Variants in PDK1 observed in about 807,000 individuals in gnomAD.
PDK1 encodes pyruvate dehydrogenase kinase 1.
PDK1 carries 39 observed loss-of-function variants against 54.2 expected under a neutral mutation model. That is an observed-to-expected ratio of 0.72 (90% CI 0.56 to 0.94). The LOEUF (loss-of-function observed/expected upper bound fraction) is 0.94. PDK1 is among the 40% of genes least tolerant of loss of function. The probability of loss-of-function intolerance (pLI) is 0.00; values close to 1 mark genes in which losing one functional copy is unlikely to be tolerated. For synonymous variants in PDK1, 221 were observed against 207.1 expected (o/e 1.07, Z -0.58); for missense variants, 552 against 566.0 (o/e 0.98, Z 0.25).
chr2:172,610,309 A>C (rs1358557625), downstream of PDK1, among the ~76,000 whole-genome samples: 1 of 152,102 alleles, frequency 6.6e-6, no homozygotes, highest in East Asian at 1.9e-4. Flanking sequence ...TCACTATTTG[A>C]AAAATAGGTA....
rs1303271855 is a variant in PDK1, at chr2:172,602,086, C to T, written c.*6117C>T. On this transcript the variant is annotated 3_prime_UTR_variant, in exon 11 of 11. Coordinates refer to ENST00000282077, the MANE Select transcript of PDK1 (RefSeq NM_002610.5). ...TGAATGTTACCAAAACATCAAGAAA[C>T]TGATAATTCCTGTCTTATAGAAACT... 1 of 152,166 alleles carries T rather than the reference C, an allele frequency of 6.6e-6. No individual in the cohort carries two copies. The highest frequency in any genetic ancestry group is 2.4e-5 in the African/African-American group (1 of 41,442). 9.4% of individuals were successfully genotyped at this position (152,166 alleles called of 1,614,324 possible).
the PDK1 span, among the ~76,000 whole-genome samples, chr2:172,658,882 C>A: frequency 6.6e-6 from 1 of 152,206 alleles, no homozygotes; most frequent in African/African-American, 2.4e-5. Flanking sequence ...TTTATCAAGA[C>A]AATATGTGCA....
the PDK1 span, among the ~76,000 whole-genome samples, chr2:172,621,687 T>G: frequency 6.8e-6 from 1 of 147,802 alleles, no homozygotes; most frequent in Non-Finnish European, 1.5e-5. Flanking sequence ...TATGTTTATA[T>G]ATCATATATA....
In PDK1 at chr2:172,562,280, A is replaced by C. The variant is rs149615712; in HGVS notation, c.399A>C (p.Lys133Asn). 21 of 1,591,382 alleles carry C rather than the reference A, an allele frequency of 1.3e-5. No homozygotes were observed. The African/African-American group carries it at 2.4e-4, about 18-fold the overall frequency. The change falls in exon 3 of 11, where the codon AAA becomes AAC. Residue 133 changes from lysine to asparagine, a missense_variant. Transcript: ENST00000282077. ...AGGACAAAAGTGCTGAGGATGCTAA[A>C]GCTATTTATGAGTAAGTTCACTATT... The part of the protein sequence containing the change: ...DFKDKSAEDA[K>N]AIYDFTDTVI...
the PDK1 span, among the ~76,000 whole-genome samples, chr2:172,695,298 G>T: frequency 6.6e-6 from 1 of 152,228 alleles, no homozygotes; most frequent in African/African-American, 2.4e-5. Flanking sequence ...ACACTGTAAG[G>T]GAAAGGGAGG....
intron 1 of PDK1, among the ~76,000 whole-genome samples, chr2:172,558,413 C>T (rs572763605): frequency 6.6e-5 from 10 of 152,314 alleles, no homozygotes; most frequent in Admixed American, 5.2e-4. Flanking sequence ...GGTTACCTAA[C>T]TTCTAAAATG....
chr2:172,646,735 C>CTTTTTTTTTTTTTTTTTTTT, the PDK1 span, among the ~76,000 whole-genome samples: 106 of 72,030 alleles, frequency 1.5e-3, 22 homozygotes, highest in African/African-American at 1.8e-3. Flanking sequence ...CTTGCATTTC[C>CTTTTTTTTTTTTTTTTTTTT]TTTTTTTTTT....
chr2:172,625,040 T>C, the PDK1 span, among the ~76,000 whole-genome samples: 2,963 of 151,520 alleles, frequency 0.02, 86 homozygotes, highest in African/African-American at 0.066. Flanking sequence ...TGATAATGTC[T>C]TTTGAATGCT....
chr2:172,617,850 A>G, the PDK1 span, among the ~76,000 whole-genome samples: 1 of 152,234 alleles, frequency 6.6e-6, no homozygotes, highest in Admixed American at 6.5e-5. Flanking sequence ...TTCTATGTAT[A>G]TGCAAACATA....
chr2:172,624,043 T>A, the PDK1 span, among the ~76,000 whole-genome samples: 1 of 152,176 alleles, frequency 6.6e-6, no homozygotes, highest in African/African-American at 2.4e-5. Flanking sequence ...CAGGAACTCC[T>A]CCTCCCACAT....
chr2:172,703,927 C>T, the PDK1 span, among the ~76,000 whole-genome samples: 1 of 151,758 alleles, frequency 6.6e-6, no homozygotes, highest in Non-Finnish European at 1.5e-5. Context: ...CACGTGCCAC[C>T]ACACCTGGCT....
At chr2:172,677,686 A>G in the PDK1 span, 1 of 152,246 alleles carries the variant, frequency 6.6e-6, no homozygotes, top group Non-Finnish European at 1.5e-5. Context: ...ATAAAAGTAC[A>G]CAAATAATTA....
In PDK1 at chr2:172,596,070, T is replaced by C; in HGVS notation, c.*101T>C. On this transcript the variant is annotated 3_prime_UTR_variant, in exon 11 of 11. Transcript: ENST00000282077. ...TATACCAAGTACTTTATTTATCGTT[T>C]TCACAAAACTATTTGAGTAGAATAA... 1.0e-6 allele frequency: 1 copy of C among 986,700 alleles called. No homozygotes were observed. The highest frequency in any genetic ancestry group is 1.5e-6 in the Non-Finnish European group (1 of 689,324). 61.1% of individuals were successfully genotyped at this position (986,700 alleles called of 1,614,324 possible).
chr2:172,689,379 G>A, the PDK1 span, among the ~76,000 whole-genome samples: 1 of 152,340 alleles, frequency 6.6e-6, no homozygotes, highest in Non-Finnish European at 1.5e-5. Flanking sequence ...AATATTCCAT[G>A]CTCATGGATA....
chr2:172,591,631 A>C (rs1690595051), intron 9 of PDK1, among the ~76,000 whole-genome samples: 1 of 152,190 alleles, frequency 6.6e-6, no homozygotes, highest in Non-Finnish European at 1.5e-5. Flanking sequence ...TAGGGGTATT[A>C]GTTGTATGGC....
chr2:172,561,747 G>A (rs1457245592), intron 2 of PDK1, among the ~76,000 whole-genome samples: 1 of 152,130 alleles, frequency 6.6e-6, no homozygotes, highest in Non-Finnish European at 1.5e-5. Context: ...ATAAATACTT[G>A]TTAGTTGGAC....
chr2:172,690,510 C>G, the PDK1 span, among the ~76,000 whole-genome samples: 1 of 150,050 alleles, frequency 6.7e-6, no homozygotes, highest in Non-Finnish European at 1.5e-5. Context: ...GGTATATACC[C>G]AAAGGGTTAT....
chr2:172,617,199 C>T, the PDK1 span, among the ~76,000 whole-genome samples: 1 of 152,084 alleles, frequency 6.6e-6, no homozygotes, highest in Admixed American at 6.6e-5. Flanking sequence ...GTCATCTGCC[C>T]ACCTTGGCCT....
chr2:172,578,645 T>C (rs1689711496), intron 8 of PDK1, among the ~76,000 whole-genome samples: 1 of 152,216 alleles, frequency 6.6e-6, no homozygotes, highest in Non-Finnish European at 1.5e-5. Context: ...GTTATTTTTA[T>C]AGAAAACTGG....
Sources: allele counts gnomAD v4.1 joint callset (sites outside exome capture counted in the v4.1 genomes callset), GRCh38; gene constraint gnomAD v4.1.1; transcripts MANE v1.5; gene names NCBI Gene and HGNC (gene_info 2026-07-23, HGNC 2026-07-21).